Variants in KPNA6 observed in about 807,000 individuals in gnomAD.
KPNA6 encodes the protein karyopherin subunit alpha 6, also known as importin subunit alpha-7.
A neutral mutation model predicts 72.0 loss-of-function variants in KPNA6; 9 were observed. The observed-to-expected ratio is 0.13, with a 90% confidence interval of 0.08 to 0.22. KPNA6 has a LOEUF of 0.22. KPNA6 is among the 10% of genes least tolerant of loss of function. The probability of loss-of-function intolerance (pLI) is 1.00; values close to 1 mark genes in which losing one functional copy is unlikely to be tolerated. For synonymous variants in KPNA6, 219 were observed against 242.1 expected (o/e 0.90, Z 0.89); for missense variants, 374 against 655.7 (o/e 0.57, Z 4.69).
chr1:32,139,428 A>G (rs565269859), intron 1 of KPNA6, among the ~76,000 whole-genome samples: 1 of 152,268 alleles, frequency 6.6e-6, no homozygotes, highest in Admixed American at 6.5e-5. Context: ...CATCACCTAT[A>G]TATATTCTTG....
intron 1 of KPNA6, among the ~76,000 whole-genome samples, chr1:32,129,258 C>T (rs991023779): frequency 2.0e-5 from 3 of 150,864 alleles, no homozygotes; most frequent in Non-Finnish European, 4.4e-5. Context: ...TACCTACCTT[C>T]CAGGCTCAAG....
rs903462510 is a variant in KPNA6 at position 32,170,812 on chromosome 1, G to T, written c.1529G>T (p.Ser510Ile). Residue 510 changes from serine to isoleucine, a missense_variant, in exon 14 of 14, where the codon AGC becomes ATC. This residue lies in a region of KPNA6 where 42 missense variants were observed against 49.8 expected (regional missense o/e 0.84). Transcript: ENST00000373625. ...HYFGVEDDDS[S>I]LAPQVDETQQ... ...TTTGGTGTAGAAGACGATGATAGCA[G>T]CCTGGCTCCCCAAGTCGATGAAACG... The T allele has an allele frequency of 1.1e-5, 18 of 1,614,098 alleles. No homozygotes were observed. In the African/African-American group the frequency reaches 2.3e-4, roughly 20 times the overall value.
intron 1 of KPNA6, among the ~76,000 whole-genome samples, chr1:32,152,704 A>T (rs1047681657): frequency 6.6e-6 from 1 of 151,778 alleles, no homozygotes; most frequent in Non-Finnish European, 1.5e-5. Flanking sequence ...AATTAGCCAG[A>T]CGTGGTGGCG....
At chr1:32,158,390 T>C (rs764002491) in intron 5 of KPNA6, 29 bp downstream of exon 5, 1 of 1,453,634 alleles carries the variant, frequency 6.9e-7, no homozygotes, top group South Asian at 1.2e-5. Context: ...GGGTTTGTTT[T>C]GTCTTTTAAT....
chr1:32,128,366 T>TA (rs1384704819), intron 1 of KPNA6, among the ~76,000 whole-genome samples: 1 of 138,478 alleles, frequency 7.2e-6, no homozygotes, highest in East Asian at 2.0e-4. Context: ...AATATATATA[T>TA]TTTTTATATT....
chr1:32,165,324 G>T (rs1265829458), intron 10 of KPNA6, among the ~76,000 whole-genome samples: 2 of 152,066 alleles, frequency 1.3e-5, no homozygotes, highest in South Asian at 2.1e-4. Context: ...AGCTGGGACT[G>T]CAGGTGCATA....
At chr1:32,120,837 C>G (rs1482563828) in intron 1 of KPNA6, among the ~76,000 whole-genome samples, 2 of 148,262 alleles carry the variant, frequency 1.3e-5, no homozygotes, top group Non-Finnish European at 3.0e-5. Context: ...CACAGTAGTG[C>G]TGGGATTACC....
At chr1:32,118,997 CATATATATATATATATATATAT>C (rs71578197) in intron 1 of KPNA6, among the ~76,000 whole-genome samples, 43 of 59,832 alleles carry the variant, frequency 7.2e-4, no homozygotes, top group Middle Eastern at 0.016. Flanking sequence ...TGTGTGTATA[CATATATATATATATATATATAT>C]ATATATATAT....
At chr1:32,165,228 A>AT (rs1011437276) in intron 10 of KPNA6, among the ~76,000 whole-genome samples, 3 of 151,448 alleles carry the variant, frequency 2.0e-5, no homozygotes, top group African/African-American at 7.3e-5. Context: ...TTCTTTTTTA[A>AT]TTTTTTTTAG....
intron 1 of KPNA6, among the ~76,000 whole-genome samples, chr1:32,123,321 C>T (rs992385942): frequency 3.9e-5 from 6 of 151,972 alleles, no homozygotes; most frequent in African/African-American, 1.4e-4. Flanking sequence ...TTTTTTTCCC[C>T]CTAATGTACC....
At chr1:32,120,160 G>A (rs1372481448) in intron 1 of KPNA6, among the ~76,000 whole-genome samples, 3 of 151,894 alleles carry the variant, frequency 2.0e-5, no homozygotes, top group Admixed American at 1.3e-4. Flanking sequence ...ATTTGTAAAT[G>A]TTACTTCAAT....
rs1183280350 is a variant in KPNA6 at position 32,175,298 on chromosome 1, C to T, written c.*4404C>T. The T allele has an allele frequency of 1.3e-5, 2 of 152,292 alleles. No individual in the cohort carries two copies. Among genetic ancestry groups the T allele is most frequent in the African/African-American group, 4.8e-5 (2 of 41,468 alleles). The allele number at this position is 152,292 out of a possible 1,614,324, so 9.4% of individuals were successfully genotyped here. A position where few individuals can be genotyped will look rare whatever the true frequency, so the allele number is the denominator to read the frequency against. On this transcript the variant is annotated 3_prime_UTR_variant, in exon 14 of 14. Transcript: ENST00000373625. ...AGGTTTATGTAGTGTATCTTAGTGG[C>T]CTGCCTAGCTGCCTCTGGGCCAGGC...
intron 1 of KPNA6, among the ~76,000 whole-genome samples, chr1:32,116,189 C>CTTTT (rs370003341): frequency 1.4e-5 from 2 of 141,366 alleles, no homozygotes; most frequent in Non-Finnish European, 1.5e-5. Context: ...CTTTTCTTTT[C>CTTTT]TTTTTTTTTT....
At chr1:32,116,716 C>T (rs571269456) in intron 1 of KPNA6, among the ~76,000 whole-genome samples, 1 of 152,172 alleles carries the variant, frequency 6.6e-6, no homozygotes, top group Non-Finnish European at 1.5e-5. Flanking sequence ...TTAGCTTTCA[C>T]CATATCTTGG....
At chr1:32,155,310 C>CTTTTCTTTTTTTTTTCTTTTTT (rs376707303) in intron 2 of KPNA6, among the ~76,000 whole-genome samples, 1 of 142,392 alleles carries the variant, frequency 7.0e-6, no homozygotes, top group South Asian at 2.3e-4. Flanking sequence ...GTTACCTTTT[C>CTTTTCTTTTTTTTTTCTTTTTT]TTTTCTTTTT....
At position 32,174,384 on chromosome 1, in the gene KPNA6, G is replaced by A. The variant is rs2124110709; in HGVS notation, c.*3490G>A. ...GGCACAGACTTTCTATTTTTCTCAA[G>A]CCAAACCAGTTTAAAATGTCTAGCA... On this transcript the variant is annotated 3_prime_UTR_variant, in exon 14 of 14. Transcript: ENST00000373625. The A allele has an allele frequency of 6.6e-6, 1 of 152,298 alleles. No homozygotes were observed. The highest frequency in any genetic ancestry group is 2.1e-4 in the South Asian group (1 of 4,816). The allele number at this position is 152,298 out of a possible 1,614,324, so 9.4% of individuals were successfully genotyped here.
intron 1 of KPNA6, among the ~76,000 whole-genome samples, 186 bp downstream of exon 1, chr1:32,108,320 G>A (rs527849599): frequency 2.0e-5 from 3 of 152,380 alleles, no homozygotes; most frequent in Non-Finnish European, 4.4e-5. Context: ...CGTGCTGGAA[G>A]CAGTCCTTTG....
Position 32,162,059 on chromosome 1 carries a change from C to T in KPNA6, c.747+13C>T, listed in dbSNP as rs766943511. 1 of 1,597,126 alleles carries T rather than the reference C, an allele frequency of 6.3e-7. No individual in the cohort carries two copies. The highest frequency in any genetic ancestry group is 8.6e-7 in the Non-Finnish European group (1 of 1,165,010). Reference sequence around the variant, plus strand: ...AGAGTTTGCAAAGGTGAGAGAGCTACTTACTAGACCCTGAGTGACATCAGG... The same window carrying T: ...AGAGTTTGCAAAGGTGAGAGAGCTATTTACTAGACCCTGAGTGACATCAGG... On this transcript the variant is annotated intron_variant, in intron 8 of 13. Transcript: ENST00000373625.
In KPNA6 at chr1:32,145,576, C is replaced by T. The variant is rs1015885126; in HGVS notation, c.5-9012C>T. ...CTGACCTCAAGTGATCTGCCCACCTCGGCCTCCCAAAGTGTTGAGATTACA... is the reference window on the plus strand; with the variant it reads ...CTGACCTCAAGTGATCTGCCCACCTTGGCCTCCCAAAGTGTTGAGATTACA... On this transcript the variant is annotated intron_variant, in intron 1 of 13. Coordinates refer to ENST00000373625, the MANE Select transcript of KPNA6 (RefSeq NM_012316.5). Among the ~76,000 whole-genome samples, 5 of 152,168 alleles carry T rather than the reference C, an allele frequency of 3.3e-5. No homozygotes were observed. In the South Asian group the frequency reaches 6.2e-4, roughly 19 times the overall value.
Sources: gnomAD v4.1 joint callset for allele counts (sites outside exome capture counted in the v4.1 genomes callset) on GRCh38, gnomAD v4.1.1 for gene constraint, gnomAD v4.1.1 regional missense constraint, MANE v1.5 for transcripts, NCBI Gene and HGNC (gene_info 2026-07-23, HGNC 2026-07-21) for gene names.